The following SNCG variants were observed in gnomAD, a reference collection of about 807,000 sequenced individuals.
The protein encoded by SNCG is synuclein gamma, also known as gamma-synuclein.
In SNCG, 13 loss-of-function variants were observed where a neutral mutation model predicts 16.0. The ratio of observed to expected loss-of-function variants is 0.81; its 90% CI spans 0.53 to 1.29. SNCG has a LOEUF of 1.29. SNCG is among the 50% of genes most tolerant of loss of function. The probability of loss-of-function intolerance (pLI) is 0.00; values close to 1 mark genes in which losing one functional copy is unlikely to be tolerated. For synonymous variants in SNCG, 66 were observed against 66.3 expected, an observed-to-expected ratio of 1.00 and a Z score of 0.02; for missense variants, 154 against 168.5, an observed-to-expected ratio of 0.91 and a Z score of 0.48.
upstream of SNCG, chr10:86,957,292 C>T (rs1452069251): frequency 7.1e-7 from 1 of 1,400,882 alleles, no homozygotes; most frequent in Non-Finnish European, 1.0e-6. Flanking sequence ...GATGGGACCC[C>T]AGTGAGGTCT....
upstream of SNCG, chr10:86,957,836 G>A (rs1448624690): frequency 4.2e-6 from 5 of 1,187,652 alleles, no homozygotes; most frequent in Non-Finnish European, 5.2e-6. Flanking sequence ...ATCCTTATGG[G>A]AACCTGCTCC....
chr10:86,961,867 T>TTC (rs1554896226), intron 3 of SNCG, among the ~76,000 whole-genome samples: 1 of 66,470 alleles, frequency 1.5e-5, no homozygotes, highest in African/African-American at 8.4e-5. Flanking sequence ...TATCCCCGCC[T>TTC]CCCCCCCGTC....
rs1844308767 is a variant in SNCG at position 86,959,798 on chromosome 10, C to A, written c.163+124C>A. 2 of 1,239,722 alleles carry A rather than the reference C, an allele frequency of 1.6e-6. No individual in the cohort carries two copies. The highest frequency in any genetic ancestry group is 1.5e-5 in the South Asian group (1 of 66,446). 76.8% of individuals were successfully genotyped at this position (1,239,722 alleles called of 1,614,324 possible). ...CAACTGGGGTCCCAAGCCCTACAGACCCCTGCAGACCATGAGGCTAAACTA... is the reference window on the plus strand; with the variant it reads ...CAACTGGGGTCCCAAGCCCTACAGAACCCTGCAGACCATGAGGCTAAACTA... On this transcript the variant is annotated intron_variant, in intron 2 of 4. Transcript: ENST00000372017. This position sits in a 1 kb window ranked among gnomAD's most constrained non-coding sequence, Gnocchi z 4.3.
At chr10:86,956,775 G>T (rs769253126), upstream of SNCG, among the ~76,000 whole-genome samples, 9 of 152,224 alleles carry the variant, frequency 5.9e-5, no homozygotes, top group Non-Finnish European at 1.0e-4. Context: ...GATGAGGGGG[G>T]ACTTACAGGC....
chr10:86,957,436 T>C (rs751311690), upstream of SNCG: 1 of 1,613,828 alleles, frequency 6.2e-7, no homozygotes. Flanking sequence ...CCAGGTGTCC[T>C]GGAGCTCTGC....
At chr10:86,957,271 C>T, upstream of SNCG, 2 of 1,164,886 alleles carry the variant, frequency 1.7e-6, no homozygotes, top group East Asian at 2.3e-5. Context: ...ATACTATTAG[C>T]CCATTTCACA....
upstream of SNCG, chr10:86,957,694 T>G (rs1589310281): frequency 7.6e-7 from 1 of 1,323,748 alleles, no homozygotes; most frequent in African/African-American, 1.5e-5. Context: ...ACCCGGTGGG[T>G]CTTGTCCTGC....
chr10:86,962,714 CTTGG>C, intron 4 of SNCG, 39 bp downstream of exon 4: 5 of 1,528,840 alleles, frequency 3.3e-6, no homozygotes, highest in Non-Finnish European at 3.6e-6. Context: ...TGGGGGGTTC[CTTGG>C]TAGGGACCCC....
chr10:86,962,884 GACA>G, intron 4 of SNCG, 78 bp from the exon 5 acceptor site: 27 of 1,504,554 alleles, frequency 1.8e-5, no homozygotes, highest in Non-Finnish European at 2.4e-5. Flanking sequence ...GGGCACAGAA[GACA>G]ACTTTTCTCA....
intron 3 of SNCG, among the ~76,000 whole-genome samples, chr10:86,962,390 G>A (rs975118985): frequency 9.2e-5 from 14 of 152,108 alleles, no homozygotes; most frequent in Non-Finnish European, 1.9e-4. Flanking sequence ...GGGCTCCAGG[G>A]TACTTGGTGC....
chr10:86,958,390 C>T (rs905252823), upstream of SNCG: 1 of 985,314 alleles, frequency 1.0e-6, no homozygotes, highest in Admixed American at 6.1e-5. Flanking sequence ...CCAGCCCCCT[C>T]CAGCCCATGG....
At position 86,959,384 on chromosome 10, in the gene SNCG, G is replaced by A. The variant is rs1844298204; in HGVS notation, c.122-249G>A. ...ACACCCGGGCAGGGGCTGGACCCTG[G>A]GTCTAGCCAGTGTCCCTACCTCAGG... is the stretch of plus-strand genomic sequence containing the variant. On this transcript the variant is annotated intron_variant, in intron 1 of 4. Coordinates refer to ENST00000372017, the MANE Select transcript of SNCG (RefSeq NM_003087.3). The surrounding 1 kb of genome is among the most constrained non-coding windows in gnomAD (Gnocchi z 4.3). The A allele has an allele frequency of 3.4e-6, 2 of 582,458 alleles. No homozygotes were observed. 36.1% of individuals were successfully genotyped at this position (582,458 alleles called of 1,614,324 possible).
At chr10:86,961,596 C>G (rs1844352465) in intron 3 of SNCG, among the ~76,000 whole-genome samples, 1 of 152,260 alleles carries the variant, frequency 6.6e-6, no homozygotes, top group South Asian at 2.1e-4. Context: ...TTGGAGCCAC[C>G]TCGAGGGAGA....
In SNCG at chr10:86,958,792, A is replaced by T. The variant is rs1312680009; in HGVS notation, c.95A>T (p.Lys32Met). 5.6e-6 allele frequency: 9 copies of T among 1,611,958 alleles called. No homozygotes were observed. The highest frequency in any genetic ancestry group is 7.6e-6 in the Non-Finnish European group (9 of 1,179,000). Residue 32 changes from lysine (K) to methionine (M), a missense_variant, in exon 1 of 5, where the codon AAG (lysine) becomes ATG (methionine). By Grantham distance (95) the Lys-to-Met change is moderately conservative. Coordinates refer to ENST00000372017, the MANE Select transcript of SNCG (RefSeq NM_003087.3). The stretch of plus-strand genomic sequence containing the variant: ...CAGGGGGTGACGGAAGCAGCTGAGA[A>T]GACCAAGGAGGGGGTCATGTATGTG... ...TKQGVTEAAE[K>M]TKEGVMYVGA...
chr10:86,961,565 C>T (rs892356486), intron 3 of SNCG, among the ~76,000 whole-genome samples: 2 of 152,074 alleles, frequency 1.3e-5, no homozygotes, highest in Non-Finnish European at 2.9e-5. Flanking sequence ...TTGTGAATCC[C>T]GGAGCAGGGC....
At chr10:86,958,174 G>A, upstream of SNCG, 1 of 981,670 alleles carries the variant, frequency 1.0e-6, no homozygotes, top group Non-Finnish European at 1.2e-6. Flanking sequence ...GGCCGCGGGA[G>A]GTTGGCTGCT....
chr10:86,959,174 G>A lies in SNCG; in HGVS notation c.121+356G>A, dbSNP rs925301766. On this transcript the variant is annotated intron_variant, in intron 1 of 4. Transcript: ENST00000372017. The surrounding 1 kb of genome is among the most constrained non-coding windows in gnomAD (Gnocchi z 4.3). ...GCCCCCACCCTCTCCACACGGGAGC[G>A]GCTACAGCCAGGTCACGGATCCCCT... Among the ~76,000 whole-genome samples, 37 of 152,244 alleles carry A rather than the reference G, an allele frequency of 2.4e-4. No individual in the cohort carries two copies. The highest frequency in any genetic ancestry group is 1.5e-3 in the Admixed American group (23 of 15,300).
In SNCG at chr10:86,962,914, C is replaced by T. The variant is rs368062965; in HGVS notation, c.364-51C>T. ...CTTTTCTCAGCCCACTCAGGGTGGCCCATTAAGGCTGGGGCCTGGAGCTGG... is the reference window on the plus strand; with the variant it reads ...CTTTTCTCAGCCCACTCAGGGTGGCTCATTAAGGCTGGGGCCTGGAGCTGG... On this transcript the variant is annotated intron_variant, in intron 4 of 4. Coordinates refer to ENST00000372017, the MANE Select transcript of SNCG (RefSeq NM_003087.3). The T allele has an allele frequency of 1.5e-4, 242 of 1,576,790 alleles. No individual in the cohort carries two copies. In the African/African-American group the frequency reaches 3.0e-3, roughly 19 times the overall value.
At chr10:86,958,424 G>C (rs568972399), upstream of SNCG, 1 of 985,434 alleles carries the variant, frequency 1.0e-6, no homozygotes, top group East Asian at 1.1e-4. Context: ...GGAGAGCTGG[G>C]CTGAGCCAGC....
Sources: gnomAD v4.1 joint callset for allele counts (sites outside exome capture counted in the v4.1 genomes callset) on GRCh38, gnomAD v4.1.1 for gene constraint, Gnocchi (gnomAD v3.1) non-coding constraint, MANE v1.5 for transcripts, NCBI Gene and HGNC (gene_info 2026-07-23, HGNC 2026-07-21) for gene names.